Variants in PCDH15 observed in about 807,000 individuals in gnomAD.
The protein encoded by PCDH15 is protocadherin-15.
PCDH15 carries 129 observed loss-of-function variants against 178.5 expected under a neutral mutation model. The observed-to-expected ratio is 0.72, with a 90% CI of 0.63 to 0.84. The LOEUF is 0.84. PCDH15 is among the 40% of genes least tolerant of loss of function. The pLI, the probability that PCDH15 is intolerant of heterozygous loss-of-function variation, is 0.00. For missense variants in PCDH15, 2,230 were observed against 2,099.9 expected, an observed-to-expected ratio of 1.06 and a Z score of -1.21; for synonymous variants, 800 against 732.0, an observed-to-expected ratio of 1.09 and a Z score of -1.50.
intron 1 of PCDH15, among the ~76,000 whole-genome samples, chr10:54,683,284 A>G (rs867907735): frequency 2.6e-5 from 4 of 151,996 alleles, no homozygotes; most frequent in African/African-American, 9.7e-5. Flanking sequence ...ACCACCATCC[A>G]TCTTCAGAAC....
intron 1 of PCDH15, among the ~76,000 whole-genome samples, chr10:54,732,657 A>G (rs1166843892): frequency 6.6e-6 from 1 of 151,604 alleles, no homozygotes; most frequent in Non-Finnish European, 1.5e-5. Context: ...CAAAAAATAG[A>G]AGAGGAAGTA....
intron 1 of PCDH15, among the ~76,000 whole-genome samples, chr10:55,231,726 T>C (rs1258540123): frequency 2.0e-5 from 3 of 152,014 alleles, no homozygotes; most frequent in African/African-American, 4.8e-5. Flanking sequence ...GGTATTCAAA[T>C]TGTCAAATGA....
intron 5 of PCDH15, among the ~76,000 whole-genome samples, chr10:54,353,947 T>G (rs768934517): frequency 3.3e-5 from 5 of 152,178 alleles, no homozygotes; most frequent in Non-Finnish European, 7.3e-5. Flanking sequence ...CAATTAAGCT[T>G]AAGTTGAATA....
At chr10:55,446,949 G>A (rs1839331460) in intron 2 of PCDH15, among the ~76,000 whole-genome samples, 1 of 152,038 alleles carries the variant, frequency 6.6e-6, no homozygotes, top group Non-Finnish European at 1.5e-5. Flanking sequence ...TTCTGGGGTA[G>A]TTTGTATCAC....
intron 2 of PCDH15, among the ~76,000 whole-genome samples, chr10:55,487,432 T>C (rs1049561361): frequency 2.0e-5 from 3 of 151,852 alleles, no homozygotes; most frequent in East Asian, 3.9e-4. Flanking sequence ...TTATCAAGTA[T>C]ATAACAACAC....
At chr10:53,846,024 A>ACACACACG in intron 28 of PCDH15, among the ~76,000 whole-genome samples, 1 of 25,974 alleles carries the variant, frequency 3.9e-5, no homozygotes, top group East Asian at 0.05. Context: ...GTATGTGTAT[A>ACACACACG]CACACACACA....
At chr10:53,926,375 ATTTCCAT>A (rs2084554502) in intron 25 of PCDH15, among the ~76,000 whole-genome samples, 1 of 152,210 alleles carries the variant, frequency 6.6e-6, no homozygotes, top group Admixed American at 6.5e-5. Context: ...AAATATTCAG[ATTTCCAT>A]TTTCCATTTC....
intron 2 of PCDH15, among the ~76,000 whole-genome samples, chr10:55,340,531 G>C (rs80015067): frequency 0.015 from 2,262 of 151,958 alleles, 50 homozygotes; most frequent in African/African-American, 0.052. Flanking sequence ...TATCTGCATG[G>C]ATTACTGCCT....
intron 1 of PCDH15, among the ~76,000 whole-genome samples, chr10:55,174,489 G>T (rs1003428198): frequency 1.4e-5 from 2 of 140,026 alleles, no homozygotes; most frequent in Non-Finnish European, 3.1e-5. Flanking sequence ...CCTGCAGCTG[G>T]ACCTTTTCTG....
At chr10:53,820,328 G>A in intron 32 of PCDH15, 98 bp from the exon 33 acceptor site, 1 of 393,814 alleles carries the variant, frequency 2.5e-6, no homozygotes. Context: ...AAGCAGATGG[G>A]CTAATAAAAA....
chr10:54,011,845 A>G (rs74514202), intron 20 of PCDH15, among the ~76,000 whole-genome samples: 2,417 of 152,318 alleles, frequency 0.016, 62 homozygotes, highest in African/African-American at 0.055. Context: ...ATGAGAAAGA[A>G]CCAGTGCAAG....
intron 2 of PCDH15, among the ~76,000 whole-genome samples, chr10:55,350,268 T>TATACAC (rs1327352441): frequency 1.6e-4 from 9 of 56,748 alleles, no homozygotes; most frequent in Admixed American, 1.9e-4. Flanking sequence ...TATATATATA[T>TATACAC]ACACACACAC....
At chr10:54,284,618 A>T (rs886244455) in intron 8 of PCDH15, among the ~76,000 whole-genome samples, 23 of 152,124 alleles carry the variant, frequency 1.5e-4, no homozygotes, top group African/African-American at 4.3e-4. Flanking sequence ...TAATACTGTG[A>T]ATTTTCAGAT....
rs137946728 is a variant in PCDH15, at chr10:55,136,618, T to A, written c.-80+29958A>T. Among the ~76,000 whole-genome samples the A allele has an allele frequency of 1.1e-3, 163 of 152,150 alleles. No homozygotes were observed. The Middle Eastern group carries it at 0.014, about 13-fold the overall frequency. On this transcript the variant is annotated intron_variant, in intron 2 of 5. Coordinates refer to the PCDH15 transcript ENST00000458638. ...AAGGAAGTAAGTGAAATAAATAAGT[T>A]CCTAGGAAGCATTCAGGCTTAAAGT...
intron 2 of PCDH15, among the ~76,000 whole-genome samples, chr10:54,929,254 C>T (rs184947803): frequency 4.5e-4 from 68 of 152,186 alleles, no homozygotes; most frequent in Non-Finnish European, 8.4e-4. Flanking sequence ...GTATTGGGCC[C>T]CAACTTTGTC....
At position 54,317,333 on chromosome 10, in the gene PCDH15, G is replaced by C. The variant is rs1380529068; in HGVS notation, c.814C>G (p.Pro272Ala). Residue 272 changes from proline (P) to alanine (A), a missense_variant, in exon 8 of 38, where the codon CCA (proline) becomes GCA (alanine). By Grantham distance (27) the Pro-to-Ala change is conservative. Transcript: ENST00000644397. ...GPMFLPCVLVPNTRDCRPLTY... is the reference protein window; with the variant it reads ...GPMFLPCVLVANTRDCRPLTY... ...AGTGGACGGCAATCACGAGTGTTTG[G>C]CACAAGGACACAAGGAAGAAACATT... 10 of 1,613,804 alleles carry C rather than the reference G, an allele frequency of 6.2e-6. No individual in the cohort carries two copies. The highest frequency in any genetic ancestry group is 8.5e-6 in the Non-Finnish European group (10 of 1,179,928).
intron 1 of PCDH15, among the ~76,000 whole-genome samples, chr10:55,183,813 A>T (rs955152032): frequency 3.3e-5 from 5 of 151,930 alleles, no homozygotes; most frequent in Non-Finnish European, 7.4e-5. Context: ...GGACAGTACT[A>T]GTTTATCCCT....
chr10:54,393,943 C>A (rs183696053), intron 3 of PCDH15, among the ~76,000 whole-genome samples: 23 of 151,880 alleles, frequency 1.5e-4, no homozygotes, highest in African/African-American at 5.1e-4. Flanking sequence ...TCACGTGGTA[C>A]TCCATGGCTG....
chr10:54,005,608 A>T (rs1348141243), intron 20 of PCDH15, among the ~76,000 whole-genome samples: 1 of 152,156 alleles, frequency 6.6e-6, no homozygotes, highest in Non-Finnish European at 1.5e-5. Flanking sequence ...TTACAATGAG[A>T]CACCATCTTA....
Sources: allele counts gnomAD v4.1 joint callset (sites outside exome capture counted in the v4.1 genomes callset), GRCh38; gene constraint gnomAD v4.1.1; transcripts MANE v1.5; gene names NCBI Gene and HGNC (gene_info 2026-07-23, HGNC 2026-07-21).